ZNF608: variants seen among roughly 807,000 people sequenced by gnomAD.
The protein encoded by ZNF608 is renal carcinoma antigen NY-REN-36.
A neutral mutation model predicts 109.0 loss-of-function variants in ZNF608; 12 were observed. The observed-to-expected ratio is 0.11, with a 90% confidence interval of 0.07 to 0.18. ZNF608 has a LOEUF of 0.18. Among genes scored for constraint, ZNF608 ranks in the 10% least tolerant of loss-of-function variants. The probability of loss-of-function intolerance (pLI) is 1.00; values close to 1 mark genes in which losing one functional copy is unlikely to be tolerated. For missense variants in ZNF608, 1,707 were observed against 1,879.3 expected (o/e 0.91, Z 1.70); for synonymous variants, 732 against 717.4 (o/e 1.02, Z -0.33).
chr5:124,742,622 C>T (rs949855036), intron 2 of ZNF608, among the ~76,000 whole-genome samples: 6 of 152,280 alleles, frequency 3.9e-5, no homozygotes, highest in African/African-American at 1.4e-4. Context: ...CATTTATATT[C>T]ATTAATGTAC....
At chr5:124,748,679 A>T (rs1749721435), upstream of ZNF608, 1 of 678,070 alleles carries the variant, frequency 1.5e-6, no homozygotes, top group African/African-American at 2.0e-5. Context: ...CGTCCTGTGT[A>T]TTTTTTATAA....
At chr5:124,663,547 CA>C (rs1751363788) in intron 3 of ZNF608, among the ~76,000 whole-genome samples, 1 of 152,162 alleles carries the variant, frequency 6.6e-6, no homozygotes, top group South Asian at 2.1e-4. Context: ...GGAAAAAGCA[CA>C]AAAACCAAAT....
intron 3 of ZNF608, among the ~76,000 whole-genome samples, chr5:124,655,842 G>A (rs187988331): frequency 3.3e-5 from 5 of 152,266 alleles, no homozygotes; most frequent in East Asian, 1.9e-4. Flanking sequence ...TTCCAGCCTC[G>A]GAGCTTATAA....
intron 3 of ZNF608, among the ~76,000 whole-genome samples, chr5:124,672,155 C>A (rs184393073): frequency 1.3e-5 from 2 of 152,250 alleles, no homozygotes; most frequent in Admixed American, 1.3e-4. Flanking sequence ...TCTCTCTCAG[C>A]CAAATATAAT....
At chr5:124,697,602 T>C (rs1752902079) in intron 3 of ZNF608, among the ~76,000 whole-genome samples, 1 of 152,216 alleles carries the variant, frequency 6.6e-6, no homozygotes, top group Non-Finnish European at 1.5e-5. Context: ...TGAAACCCAC[T>C]AATTTTTTCC....
intron 2 of ZNF608, among the ~76,000 whole-genome samples, chr5:124,724,636 A>G (rs1047012892): frequency 6.6e-6 from 1 of 151,554 alleles, no homozygotes; most frequent in Non-Finnish European, 1.5e-5. Context: ...GTGTGTGTGT[A>G]CACAACCAGA....
chr5:124,670,599 C>G (rs1000970606), intron 3 of ZNF608, among the ~76,000 whole-genome samples: 2 of 152,168 alleles, frequency 1.3e-5, no homozygotes, highest in Non-Finnish European at 2.9e-5. Flanking sequence ...TAACTCCTAA[C>G]TCCACCTAAT....
In ZNF608 at chr5:124,647,648, C is replaced by G. The variant is rs752112627; in HGVS notation, c.2736G>C (p.Gly912=). The change falls in exon 5 of 10, where the codon GGG becomes GGC. Residue 912 remains glycine, a synonymous_variant. Coordinates refer to ENST00000513986, the MANE Select transcript of ZNF608 (RefSeq NM_020747.3). ...SRLECSTLVN[G]QAPMAPLHVL... is the part of the protein sequence containing the mutation. ...CATGCAGAGGTGCCATTGGTGCCTGCCCGTTCACCAAAGTGCTGCATTCCA... is the reference window on the plus strand; with the variant it reads ...CATGCAGAGGTGCCATTGGTGCCTGGCCGTTCACCAAAGTGCTGCATTCCA... 91 of 1,614,192 alleles carry G rather than the reference C, an allele frequency of 5.6e-5. No individual in the cohort carries two copies. The South Asian group carries it at 9.9e-4, about 18-fold the overall frequency.
rs748099516 is a variant in ZNF608, at chr5:124,744,247, C to T, written c.743G>A (p.Ser248Asn). The T allele has an allele frequency of 1.2e-6, 2 of 1,613,334 alleles. No homozygotes were observed. Among genetic ancestry groups the T allele is most frequent in the Admixed American group, 1.7e-5 (1 of 60,004 alleles). The change falls in exon 2 of 10, where the codon AGC (serine) becomes AAC (asparagine). Residue 248 changes from serine to asparagine, a missense_variant. Transcript: ENST00000513986. This position sits in a 1 kb window ranked among gnomAD's most constrained non-coding sequence, Gnocchi z 4.5. ...CCCAGTGCCCCCGCAGTGGAAGGGG[C>T]TCGCGCCACCTCCATTGCTCTTGGC... ...FGAKSNGGGA[S>N]PFHCGGTGSG...
intron 2 of ZNF608, chr5:124,710,519 G>A (rs987978278): frequency 4.0e-5 from 10 of 249,088 alleles, no homozygotes; most frequent in Non-Finnish European, 6.4e-5. Flanking sequence ...CCAAAGCATC[G>A]TGGGTCGGCT....
chr5:124,718,684 T>C (rs1000880939), intron 2 of ZNF608, among the ~76,000 whole-genome samples: 4 of 152,296 alleles, frequency 2.6e-5, no homozygotes, highest in South Asian at 2.1e-4. Context: ...CATTTTTTTT[T>C]CCTCTCTTCT....
At position 124,746,215 on chromosome 5, in the gene ZNF608, T is replaced by C; in HGVS notation, c.-204A>G. ...CTTACCTTTTAATCCTTTATCATTT[T>C]TTAATTAGGCCAGCAAATCAAAATG... On this transcript the variant is annotated 5_prime_UTR_variant, in exon 1 of 10. Coordinates refer to ENST00000513986, the MANE Select transcript of ZNF608 (RefSeq NM_020747.3). 2.0e-6 allele frequency: 2 copies of C among 985,472 alleles called. No individual in the cohort carries two copies. The highest frequency in any genetic ancestry group is 4.7e-5 in the South Asian group (1 of 21,288). The allele number at this position is 985,472 out of a possible 1,614,324, so 61.0% of individuals were successfully genotyped here.
intron 2 of ZNF608, among the ~76,000 whole-genome samples, chr5:124,733,217 CTTTTTTTTTT>C (rs67421322): frequency 8.5e-6 from 1 of 117,584 alleles, no homozygotes; most frequent in Admixed American, 9.0e-5. Flanking sequence ...ATCTCTCTCT[CTTTTTTTTTT>C]TTTTTTTTTT....
At chr5:124,737,391 G>A (rs1443677080) in intron 2 of ZNF608, among the ~76,000 whole-genome samples, 1 of 152,158 alleles carries the variant, frequency 6.6e-6, no homozygotes, top group Non-Finnish European at 1.5e-5. Context: ...AACTAGGTCG[G>A]GGGGTGGAAA....
At chr5:124,703,359 A>T (rs1753133141) in intron 2 of ZNF608, among the ~76,000 whole-genome samples, 1 of 152,170 alleles carries the variant, frequency 6.6e-6, no homozygotes, top group Non-Finnish European at 1.5e-5. Context: ...GGGCAATGAC[A>T]GTTATGGTGG....
At chr5:124,694,239 C>T (rs1485924572) in intron 3 of ZNF608, among the ~76,000 whole-genome samples, 1 of 149,168 alleles carries the variant, frequency 6.7e-6, no homozygotes, top group Non-Finnish European at 1.5e-5. Context: ...CTGATCCGCC[C>T]GCCTCGGCCT....
Position 124,648,534 on chromosome 5 carries a change from G to C in ZNF608, c.1850C>G (p.Ser617Cys), listed in dbSNP as rs1750642128. 2.5e-6 allele frequency: 4 copies of C among 1,614,098 alleles called. No homozygotes were observed. The highest frequency in any genetic ancestry group is 3.4e-6 in the Non-Finnish European group (4 of 1,180,046). The change falls in exon 5 of 10, where the codon TCT becomes TGT. Residue 617 changes from serine to cysteine, a missense_variant. Ser to Cys is a moderately radical substitution (Grantham distance 112). Around this residue, in one of 7 missense-constraint regions of ZNF608, gnomAD observed 1,073 missense variants for 1,133.5 expected, o/e 0.95. Coordinates refer to ENST00000513986, the MANE Select transcript of ZNF608 (RefSeq NM_020747.3). ...LECSEPSTSV[S>C]AYDQLKAPAS... The stretch of plus-strand genomic sequence containing the variant: ...CGGTGCCTTCAACTGGTCATAAGCA[G>C]ATACACTTGTGCTTGGCTCACTGCA...
At chr5:124,637,955 T>G in intron 9 of ZNF608, 49 bp from the exon 10 acceptor site, 1 of 1,608,154 alleles carries the variant, frequency 6.2e-7, no homozygotes, top group Non-Finnish European at 8.5e-7. Context: ...AACATTTTGT[T>G]TGTTTGTTTT....
At chr5:124,657,157 C>T (rs1241968990) in intron 3 of ZNF608, among the ~76,000 whole-genome samples, 1 of 152,086 alleles carries the variant, frequency 6.6e-6, no homozygotes, top group Non-Finnish European at 1.5e-5. Flanking sequence ...GATACAATGG[C>T]CTGTTAAGGA....
Sources: gnomAD v4.1 joint callset for allele counts (sites outside exome capture counted in the v4.1 genomes callset) on GRCh38, gnomAD v4.1.1 for gene constraint, gnomAD v4.1.1 regional missense constraint, Gnocchi (gnomAD v3.1) non-coding constraint, MANE v1.5 for transcripts, NCBI Gene and HGNC (gene_info 2026-07-23, HGNC 2026-07-21) for gene names.